CNTN5: variants seen among roughly 807,000 people sequenced by gnomAD.
The protein encoded by CNTN5 is contactin-5.
A neutral mutation model predicts 129.1 loss-of-function variants in CNTN5; 77 were observed. That is an observed-to-expected ratio of 0.60 (90% CI 0.50 to 0.72). The LOEUF (loss-of-function observed/expected upper bound fraction) is 0.72. Among genes scored for constraint, CNTN5 ranks in the 30% least tolerant of loss-of-function variants. The pLI is 0.00. For missense variants in CNTN5, 1,478 were observed against 1,328.8 expected, an observed-to-expected ratio of 1.11 and a Z score of -1.75; for synonymous variants, 509 against 465.6, an observed-to-expected ratio of 1.09 and a Z score of -1.20.
intron 8 of CNTN5, among the ~76,000 whole-genome samples, chr11:99,977,734 C>A (rs1938082047): frequency 1.3e-5 from 2 of 152,162 alleles, no homozygotes; most frequent in South Asian, 4.2e-4. Context: ...CTCATGAGGC[C>A]CCGCCTTCAA....
intron 1 of CNTN5, among the ~76,000 whole-genome samples, chr11:99,232,135 C>T (rs74959812): frequency 1.3e-5 from 2 of 152,196 alleles, no homozygotes; most frequent in South Asian, 2.1e-4. Flanking sequence ...TATACGGGCT[C>T]TTTGTTGGTT....
At chr11:99,496,790 G>A (rs1946242979) in intron 2 of CNTN5, among the ~76,000 whole-genome samples, 1 of 152,160 alleles carries the variant, frequency 6.6e-6, no homozygotes, top group Non-Finnish European at 1.5e-5. Flanking sequence ...TGGATGTTGT[G>A]AAAACACTCT....
chr11:99,696,896 T>C (rs997070395), intron 3 of CNTN5, among the ~76,000 whole-genome samples: 2 of 151,856 alleles, frequency 1.3e-5, no homozygotes, highest in East Asian at 1.9e-4. Context: ...ATGCACATAA[T>C]AGTTTACAAA....
intron 7 of CNTN5, among the ~76,000 whole-genome samples, chr11:99,944,913 A>T (rs912420072): frequency 6.6e-6 from 1 of 152,148 alleles, no homozygotes; most frequent in Non-Finnish European, 1.5e-5. Flanking sequence ...TTGAGGCAGT[A>T]GTACTTGTAC....
At chr11:99,480,337 A>G (rs1028525503) in intron 2 of CNTN5, among the ~76,000 whole-genome samples, 3 of 152,148 alleles carry the variant, frequency 2.0e-5, no homozygotes, top group African/African-American at 7.2e-5. Flanking sequence ...TCAGGTAAAG[A>G]GTATAGGCTC....
intron 3 of CNTN5, among the ~76,000 whole-genome samples, chr11:99,773,468 T>G (rs2135347429): frequency 6.6e-6 from 1 of 152,156 alleles, no homozygotes; most frequent in South Asian, 2.1e-4. Flanking sequence ...CAGTCTTTGG[T>G]TTTTAAGGTC....
chr11:99,193,132 T>C (rs1858731101), intron 1 of CNTN5, among the ~76,000 whole-genome samples: 1 of 152,164 alleles, frequency 6.6e-6, no homozygotes, highest in African/African-American at 2.4e-5. Flanking sequence ...TTGCTACAGA[T>C]TTACTGTAAA....
chr11:99,218,599 CAG>C (rs1860245289), intron 1 of CNTN5, among the ~76,000 whole-genome samples: 1 of 151,994 alleles, frequency 6.6e-6, no homozygotes, highest in African/African-American at 2.4e-5. Context: ...TTTATGCAAT[CAG>C]GGGTATATCC....
At chr11:99,889,798 T>G (rs1303159658) in intron 6 of CNTN5, among the ~76,000 whole-genome samples, 1 of 152,132 alleles carries the variant, frequency 6.6e-6, no homozygotes, top group Non-Finnish European at 1.5e-5. Flanking sequence ...CTGCCTGCCT[T>G]GGTCTCCCAG....
intron 6 of CNTN5, among the ~76,000 whole-genome samples, chr11:99,863,534 CTG>C (rs1948272078): frequency 6.6e-6 from 1 of 152,038 alleles, no homozygotes. Flanking sequence ...AACATCAAGA[CTG>C]TGAAAGTCTC....
chr11:99,408,463 A>AAAG (rs1555137859), intron 2 of CNTN5, among the ~76,000 whole-genome samples: 1 of 134,206 alleles, frequency 7.5e-6, no homozygotes, highest in Non-Finnish European at 1.6e-5. Context: ...AGAAAGAAAG[A>AAAG]AAGAAAGAAA....
At chr11:99,608,342 A>C (rs1364265693) in intron 3 of CNTN5, among the ~76,000 whole-genome samples, 1 of 152,156 alleles carries the variant, frequency 6.6e-6, no homozygotes, top group African/African-American at 2.4e-5. Flanking sequence ...GATCAGGTCT[A>C]CAAAACAGTA....
chr11:99,210,981 A>G (rs1267599060), intron 1 of CNTN5, among the ~76,000 whole-genome samples: 4 of 152,300 alleles, frequency 2.6e-5, no homozygotes, highest in South Asian at 2.1e-4. Context: ...AAGCTCTAAT[A>G]GAACTATAAA....
At chr11:99,026,184 G>A (rs1863099423) in intron 1 of CNTN5, among the ~76,000 whole-genome samples, 1 of 151,410 alleles carries the variant, frequency 6.6e-6, no homozygotes, top group Non-Finnish European at 1.5e-5. Flanking sequence ...GGAATTCCTG[G>A]GCACTGGAAC....
chr11:99,779,485 G>C (rs1167035257), intron 3 of CNTN5, among the ~76,000 whole-genome samples: 3 of 151,906 alleles, frequency 2.0e-5, no homozygotes, highest in Non-Finnish European at 4.4e-5. Context: ...ACAAAATCTT[G>C]TTAACTTTCC....
chr11:99,982,863 G>C (rs142256945), intron 8 of CNTN5, among the ~76,000 whole-genome samples: 3 of 152,056 alleles, frequency 2.0e-5, no homozygotes, highest in Non-Finnish European at 4.4e-5. Context: ...GGATGGTCTC[G>C]ATCTCCTGAC....
intron 9 of CNTN5, among the ~76,000 whole-genome samples, chr11:100,004,174 T>G (rs1328971751): frequency 1.3e-5 from 2 of 152,312 alleles, no homozygotes; most frequent in Non-Finnish European, 2.9e-5. Flanking sequence ...TTGCAAAAAC[T>G]TCAGTATCTG....
Position 100,042,497 on chromosome 11 carries a change from A to C in CNTN5, c.981-18715A>C, listed in dbSNP as rs368608824. Among the ~76,000 whole-genome samples, 21 of 152,256 alleles carry C rather than the reference A, an allele frequency of 1.4e-4. No homozygotes were observed. The South Asian group carries it at 4.4e-3, about 32-fold the overall frequency. Reference sequence around the variant, plus strand: ...AGGAAGCTCCATTAGACAGACCTACAATTTGTCTGTGAATAGTGATTTGCA... The same window carrying C: ...AGGAAGCTCCATTAGACAGACCTACCATTTGTCTGTGAATAGTGATTTGCA... On this transcript the variant is annotated intron_variant, in intron 9 of 24. Coordinates refer to ENST00000524871, the MANE Select transcript of CNTN5 (RefSeq NM_014361.4).
intron 1 of CNTN5, among the ~76,000 whole-genome samples, chr11:99,197,901 G>T (rs1245985290): frequency 6.6e-6 from 1 of 152,104 alleles, no homozygotes; most frequent in African/African-American, 2.4e-5. Context: ...AGAAATAAAT[G>T]ACATAATTTG....
Sources: gnomAD v4.1 joint callset for allele counts (sites outside exome capture counted in the v4.1 genomes callset) on GRCh38, gnomAD v4.1.1 for gene constraint, MANE v1.5 for transcripts, NCBI Gene and HGNC (gene_info 2026-07-23, HGNC 2026-07-21) for gene names.